IL1RAPL1: variants seen among roughly 807,000 people sequenced by gnomAD.
IL1RAPL1 encodes the protein interleukin 1 receptor accessory protein like 1, also known as interleukin-1 receptor accessory protein-like 1.
In IL1RAPL1, 3 loss-of-function variants were observed where a neutral mutation model predicts 48.4. That is an observed-to-expected ratio of 0.06 (90% CI 0.03 to 0.16). The LOEUF (loss-of-function observed/expected upper bound fraction) is 0.16. IL1RAPL1 is among the 10% of genes least tolerant of loss of function. IL1RAPL1 has a pLI of 1.00. For synonymous variants in IL1RAPL1, 185 were observed against 187.7 expected, an observed-to-expected ratio of 0.99 and a Z score of 0.12; for missense variants, 349 against 530.6, an observed-to-expected ratio of 0.66 and a Z score of 3.36.
At chrX:29,657,824 G>GTT (rs199945372) in intron 5 of IL1RAPL1, among the ~76,000 whole-genome samples, 31 of 75,507 alleles carry the variant, frequency 4.1e-4, no homozygotes, top group African/African-American at 8.8e-4. Flanking sequence ...ATTAGTGACT[G>GTT]TTTTTTTTTT....
At chrX:29,688,754 C>CTCTCTCTCTCTCTGTG (rs58405949) in intron 6 of IL1RAPL1, among the ~76,000 whole-genome samples, 12 of 103,899 alleles carry the variant, frequency 1.2e-4, no homozygotes, top group African/African-American at 4.5e-4. Context: ...CTCTCTCTCT[C>CTCTCTCTCTCTCTGTG]TGTGTGTGTC....
At chrX:29,950,822 G>A (rs1254542492) in intron 9 of IL1RAPL1, among the ~76,000 whole-genome samples, 33 of 109,698 alleles carry the variant, frequency 3.0e-4, no homozygotes, top group African/African-American at 9.6e-4. Context: ...GACTACAGGC[G>A]CCCGCAACCA....
At chrX:29,331,920 A>G (rs975276227) in intron 3 of IL1RAPL1, among the ~76,000 whole-genome samples, 2 of 110,392 alleles carry the variant, frequency 1.8e-5, no homozygotes, top group Middle Eastern at 4.7e-3. Context: ...TCATGGGACT[A>G]TTATCATAAT....
chrX:28,743,222 A>G (rs753692488), intron 1 of IL1RAPL1, among the ~76,000 whole-genome samples: 2 of 111,150 alleles, frequency 1.8e-5, no homozygotes, highest in East Asian at 2.8e-4. Context: ...TTTTCTTCCC[A>G]CTATACCTGG....
chrX:29,793,362 A>G (rs988149684), intron 6 of IL1RAPL1, among the ~76,000 whole-genome samples: 1 of 112,464 alleles, frequency 8.9e-6, no homozygotes, highest in Non-Finnish European at 1.9e-5. Context: ...AGAATGTACA[A>G]AGCCATAGCA....
chrX:28,630,795 ATATAT>A (rs1195935384), intron 1 of IL1RAPL1, among the ~76,000 whole-genome samples: 4 of 112,220 alleles, frequency 3.6e-5, no homozygotes, highest in Non-Finnish European at 7.5e-5. Context: ...ATATACATCG[ATATAT>A]TATGTGGGGA....
chrX:28,600,599 T>C (rs1427933903), intron 1 of IL1RAPL1, among the ~76,000 whole-genome samples: 2 of 110,845 alleles, frequency 1.8e-5, no homozygotes, highest in Non-Finnish European at 3.8e-5. Flanking sequence ...GTTTGGGTTG[T>C]ACAGGACCAG....
chrX:28,793,390 C>G, intron 2 of IL1RAPL1, among the ~76,000 whole-genome samples: 3 of 101,190 alleles, frequency 3.0e-5, no homozygotes, highest in Middle Eastern at 9.6e-3. Context: ...TCCTTCCTTC[C>G]TTTCTTCCTC....
At chrX:29,008,650 C>A (rs1926048655) in intron 2 of IL1RAPL1, among the ~76,000 whole-genome samples, 1 of 111,110 alleles carries the variant, frequency 9.0e-6, no homozygotes, top group African/African-American at 3.3e-5. Context: ...TTCAATGATT[C>A]TTTTATTTAT....
intron 2 of IL1RAPL1, among the ~76,000 whole-genome samples, chrX:28,816,201 C>G (rs1480708551): frequency 1.8e-5 from 2 of 108,914 alleles, no homozygotes; most frequent in Non-Finnish European, 3.8e-5. Context: ...AAAAGCTATT[C>G]TAACTGGTTT....
intron 2 of IL1RAPL1, among the ~76,000 whole-genome samples, chrX:29,187,198 T>C (rs1323685197): frequency 1.8e-5 from 2 of 112,199 alleles, no homozygotes; most frequent in Admixed American, 1.9e-4. Flanking sequence ...CTAGACTTGG[T>C]CTAGAAGGGT....
At chrX:29,271,994 G>A (rs1275933312) in intron 2 of IL1RAPL1, among the ~76,000 whole-genome samples, 1 of 111,813 alleles carries the variant, frequency 8.9e-6, no homozygotes. Context: ...CCTATTTCCA[G>A]AATGGAATGT....
At chrX:29,580,828 T>C (rs6526896) in intron 5 of IL1RAPL1, among the ~76,000 whole-genome samples, 31,644 of 111,111 alleles carry the variant, frequency 0.28, 3,479 homozygotes, top group South Asian at 0.46. Context: ...TATACCTTTA[T>C]TGACTTATAA....
intron 3 of IL1RAPL1, among the ~76,000 whole-genome samples, chrX:29,328,994 T>C (rs1376659342): frequency 2.7e-5 from 3 of 111,746 alleles, no homozygotes; most frequent in Non-Finnish European, 5.6e-5. Flanking sequence ...TACATTGATA[T>C]AGAGCATTTT....
At chrX:29,513,574 A>G (rs73450656) in intron 5 of IL1RAPL1, among the ~76,000 whole-genome samples, 12 of 112,001 alleles carry the variant, frequency 1.1e-4, no homozygotes, top group African/African-American at 3.2e-4. Context: ...TTACATAGGC[A>G]TTCAAAAGAG....
At chrX:28,813,280 T>C (rs1000234669) in intron 2 of IL1RAPL1, among the ~76,000 whole-genome samples, 5 of 111,676 alleles carry the variant, frequency 4.5e-5, no homozygotes, top group Non-Finnish European at 9.5e-5. Context: ...TTTGGAAATG[T>C]CTTTTTTGAG....
chrX:28,672,921 G>A lies in IL1RAPL1; in HGVS notation c.-25+84874G>A, dbSNP rs751642599. 2.7e-5 allele frequency among the ~76,000 whole-genome samples: 3 copies of A among 111,190 alleles called. No homozygotes were observed. The East Asian group carries it at 8.5e-4, about 32-fold the overall frequency. On this transcript the variant is annotated intron_variant, in intron 1 of 10. Coordinates refer to ENST00000378993, the MANE Select transcript of IL1RAPL1 (RefSeq NM_014271.4). ...ACCCAGGTATTAAGCCTAGAACCCA[G>A]TAATTATTTTTCCTGATCCTCTCCC...
At chrX:29,294,623 A>G (rs1436759749) in intron 3 of IL1RAPL1, among the ~76,000 whole-genome samples, 1 of 111,321 alleles carries the variant, frequency 9.0e-6, no homozygotes, top group Non-Finnish European at 1.9e-5. Flanking sequence ...CAATATCCAT[A>G]CACAAGATAT....
chrX:28,846,570 G>A (rs374897368), intron 2 of IL1RAPL1, among the ~76,000 whole-genome samples: 18 of 111,030 alleles, frequency 1.6e-4, no homozygotes, highest in African/African-American at 4.9e-4. Flanking sequence ...CTGTTGCTCC[G>A]TATTCTTGCC....
Sources: gnomAD v4.1 joint callset for allele counts (sites outside exome capture counted in the v4.1 genomes callset) on GRCh38, gnomAD v4.1.1 for gene constraint, MANE v1.5 for transcripts, NCBI Gene and HGNC (gene_info 2026-07-23, HGNC 2026-07-21) for gene names.